The following SERPINA12 variants were observed in gnomAD, a reference collection of about 807,000 sequenced individuals.
SERPINA12 encodes serpin A12.
A neutral mutation model predicts 25.9 loss-of-function variants in SERPINA12; 21 were observed. The ratio of observed to expected loss-of-function variants is 0.81; its 90% CI spans 0.58 to 1.17. The LOEUF (loss-of-function observed/expected upper bound fraction) is 1.17, where lower values mean the gene tolerates loss of function less well. Ranked by LOEUF, SERPINA12 falls within the 50% of genes most tolerant of loss-of-function variation. SERPINA12 has a pLI of 0.00. For missense variants in SERPINA12, 562 were observed against 508.3 expected, an observed-to-expected ratio of 1.11 and a Z score of -1.02; for synonymous variants, 220 against 196.0, an observed-to-expected ratio of 1.12 and a Z score of -1.02.
upstream of SERPINA12, among the ~76,000 whole-genome samples, chr14:94,514,140 C>T (rs986189747): frequency 7.2e-5 from 11 of 152,322 alleles, no homozygotes; most frequent in Admixed American, 2.6e-4. Context: ...TGGACTGTGC[C>T]GCTTAGGTAC....
At chr14:94,493,371 A>C (rs1034578573) in intron 3 of SERPINA12, among the ~76,000 whole-genome samples, 2 of 152,254 alleles carry the variant, frequency 1.3e-5, no homozygotes, top group African/African-American at 4.8e-5. Context: ...CCAAGGCCAG[A>C]AGTGACTGGG....
intron 1 of SERPINA12, among the ~76,000 whole-genome samples, chr14:94,499,473 T>A (rs1299255550): frequency 1.3e-5 from 2 of 152,266 alleles, no homozygotes; most frequent in Non-Finnish European, 2.9e-5. Flanking sequence ...TTGATTTCTC[T>A]GGTTGGACAT....
chr14:94,501,632 A>G (rs1956709), intron 1 of SERPINA12, among the ~76,000 whole-genome samples: 50,753 of 144,266 alleles, frequency 0.35, 11,484 homozygotes, highest in African/African-American at 0.66. Context: ...CCCATGAGAT[A>G]CTGCTGATCA....
chr14:94,501,955 G>C (rs767444136), intron 1 of SERPINA12, among the ~76,000 whole-genome samples: 1 of 151,842 alleles, frequency 6.6e-6, no homozygotes, highest in Non-Finnish European at 1.5e-5. Context: ...TGAGCAACTG[G>C]TTATTTCCCA....
upstream of SERPINA12, among the ~76,000 whole-genome samples, chr14:94,513,576 T>C (rs373253495): frequency 1.2e-4 from 19 of 152,158 alleles, no homozygotes; most frequent in Admixed American, 5.2e-4. Context: ...GAGAAATCCA[T>C]TGGGAGGATA....
intron 3 of SERPINA12, among the ~76,000 whole-genome samples, chr14:94,490,034 C>A (rs1273626289): frequency 6.6e-6 from 1 of 152,154 alleles, no homozygotes; most frequent in Admixed American, 6.5e-5. Flanking sequence ...TCCCCCGTCT[C>A]AGAGCCCCTT....
chr14:94,502,776 C>T (rs1276950459), intron 1 of SERPINA12, among the ~76,000 whole-genome samples: 1 of 152,240 alleles, frequency 6.6e-6, no homozygotes, highest in African/African-American at 2.4e-5. Flanking sequence ...GTCTTGAGAA[C>T]CAACAGAGCG....
At chr14:94,515,116 C>T (rs1053218084) in intron 2 of SERPINA12, among the ~76,000 whole-genome samples, 7 of 152,314 alleles carry the variant, frequency 4.6e-5, no homozygotes, top group South Asian at 2.1e-4. Flanking sequence ...AGGGCCAGCA[C>T]GGCCACGGTT....
upstream of SERPINA12, among the ~76,000 whole-genome samples, chr14:94,511,935 T>G (rs1033645136): frequency 8.6e-5 from 13 of 152,018 alleles, no homozygotes; most frequent in South Asian, 2.7e-3. Flanking sequence ...CCATCTCTAT[T>G]AAAAATACAA....
chr14:94,511,871 G>A (rs1206271561), upstream of SERPINA12: 3 of 254,344 alleles, frequency 1.2e-5, no homozygotes, highest in Non-Finnish European at 1.9e-5. Flanking sequence ...GCCAAGGCAG[G>A]TGGATTGCTT....
In SERPINA12 at chr14:94,489,623, G is replaced by C; in HGVS notation, c.1050C>G (p.Gly350=). 6.2e-7 allele frequency: 1 copy of C among 1,613,816 alleles called. No homozygotes were observed. The highest frequency in any genetic ancestry group is 8.5e-7 in the Non-Finnish European group (1 of 1,179,884). ...KIAPHRSLKV[G]EAVHKAELKM... is the part of the protein sequence containing the mutation. ...AGTCCAGGCTAGGCAGGCTTACCTCGCCCACTTTCAGGCTGCGATGAGGGG... is the reference window on the plus strand; with the variant it reads ...AGTCCAGGCTAGGCAGGCTTACCTCCCCCACTTTCAGGCTGCGATGAGGGG... The change falls in exon 4 of 5, where the codon GGC becomes GGG. Residue 350 remains glycine, a synonymous_variant. Coordinates refer to ENST00000677451, the MANE Select transcript of SERPINA12 (RefSeq NM_001382267.1).
chr14:94,491,301 T>C (rs1900171107), intron 3 of SERPINA12, among the ~76,000 whole-genome samples: 1 of 152,274 alleles, frequency 6.6e-6, no homozygotes, highest in African/African-American at 2.4e-5. Flanking sequence ...AATAAATAGA[T>C]TGACTTGCAG....
At position 94,487,466 on chromosome 14, in the gene SERPINA12, T is replaced by A; in HGVS notation, c.1082A>T (p.Asp361Val). ...EAVHKAELKMDERGTEGAAGT... is the reference protein window; with the variant it reads ...EAVHKAELKMVERGTEGAAGT... Reference sequence around the variant, plus strand: ...AGCGGCCCCTTCCGTACCCCTCTCATCCATCTTCAGCTCAGCCTTGTGCAC... The same window carrying A: ...AGCGGCCCCTTCCGTACCCCTCTCAACCATCTTCAGCTCAGCCTTGTGCAC... Residue 361 changes from aspartate (D) to valine (V), a missense_variant, in exon 5 of 5, where the codon GAT (aspartate) becomes GTT (valine). Asp to Val is a radical substitution (Grantham distance 152, BLOSUM62 -3). Coordinates refer to ENST00000677451, the MANE Select transcript of SERPINA12 (RefSeq NM_001382267.1). 1 of 1,613,646 alleles carries A rather than the reference T, an allele frequency of 6.2e-7. No individual in the cohort carries two copies. Among genetic ancestry groups the A allele is most frequent in the Non-Finnish European group, 8.5e-7 (1 of 1,179,846 alleles).
rs922348574 is a variant in SERPINA12 at position 94,497,216 on chromosome 14, C to G, written c.634+548G>C. ...TCTTCCATCTTTTTTTTCTGTCTCT[C>G]TCCATCAGATCTGGGAAATATATAA... On this transcript the variant is annotated intron_variant, in intron 2 of 4. Coordinates refer to ENST00000677451, the MANE Select transcript of SERPINA12 (RefSeq NM_001382267.1). Among the ~76,000 whole-genome samples, 3 of 152,154 alleles carry G rather than the reference C, an allele frequency of 2.0e-5. 1 individual carries two copies. The highest frequency in any genetic ancestry group is 4.4e-5 in the Non-Finnish European group (3 of 68,046).
rs1322918854 is a variant in SERPINA12, at chr14:94,498,392, G to A, written c.6C>T (p.Asn2=). 6.2e-7 allele frequency: 1 copy of A among 1,612,334 alleles called. No homozygotes were observed. Among genetic ancestry groups the A allele is most frequent in the East Asian group, 2.2e-5 (1 of 44,870 alleles). M[N]PTLGLAIFLA... Reference sequence around the variant, plus strand: ...GAAAAATGGCCAGGCCTAGTGTGGGGTTCATTTTCCTTGAAGAATATCCTG... The same window carrying A: ...GAAAAATGGCCAGGCCTAGTGTGGGATTCATTTTCCTTGAAGAATATCCTG... The change falls in exon 2 of 5, where the codon AAC becomes AAT. Residue 2 remains asparagine (N), a synonymous_variant. Coordinates refer to ENST00000677451, the MANE Select transcript of SERPINA12 (RefSeq NM_001382267.1).
intron 1 of SERPINA12, chr14:94,500,937 G>A (rs1177668116): frequency 1.0e-6 from 1 of 981,660 alleles, no homozygotes; most frequent in Non-Finnish European, 1.2e-6. Context: ...CTGCTCTCAT[G>A]CCTTCGTAGC....
chr14:94,509,899 G>T (rs1388537184), upstream of SERPINA12: 14 of 834,728 alleles, frequency 1.7e-5, no homozygotes, highest in Admixed American at 6.2e-5. Flanking sequence ...TTCCTTCCCT[G>T]GGACAGGACA....
At chr14:94,506,646 G>A (rs949645357) in intron 1 of SERPINA12, among the ~76,000 whole-genome samples, 13 of 152,188 alleles carry the variant, frequency 8.5e-5, no homozygotes, top group East Asian at 3.8e-4. Flanking sequence ...TGCAAAATGG[G>A]AATAACCTAT....
At chr14:94,500,887 T>A in intron 1 of SERPINA12, 2 of 985,302 alleles carry the variant, frequency 2.0e-6, no homozygotes, top group Non-Finnish European at 2.4e-6. Flanking sequence ...ACATATTTTT[T>A]AAAACGCCAG....
Sources: gnomAD v4.1 joint callset for allele counts (sites outside exome capture counted in the v4.1 genomes callset) on GRCh38, gnomAD v4.1.1 for gene constraint, MANE v1.5 for transcripts, NCBI Gene and HGNC (gene_info 2026-07-23, HGNC 2026-07-21) for gene names.